NKAIN3: variants seen among roughly 807,000 people sequenced by gnomAD.
NKAIN3 encodes sodium/potassium-transporting ATPase subunit beta-1-interacting protein 3.
NKAIN3 carries 25 observed loss-of-function variants against 30.2 expected under a neutral mutation model. The observed-to-expected ratio is 0.83, with a 90% CI of 0.60 to 1.16. The LOEUF (loss-of-function observed/expected upper bound fraction) is 1.16. Ranked by LOEUF, NKAIN3 falls within the 50% of genes most tolerant of loss-of-function variation. The pLI is 0.00. For synonymous variants in NKAIN3, 91 were observed against 89.6 expected (o/e 1.02, Z -0.09); for missense variants, 225 against 254.1 (o/e 0.89, Z 0.78).
At chr8:62,875,627 A>G (rs1344584819) in intron 4 of NKAIN3, among the ~76,000 whole-genome samples, 1 of 152,200 alleles carries the variant, frequency 6.6e-6, no homozygotes, top group Non-Finnish European at 1.5e-5. Context: ...CAAAACAGAC[A>G]TATAGGCCAA....
intron 1 of NKAIN3, among the ~76,000 whole-genome samples, chr8:62,328,980 C>A (rs554632450): frequency 2.6e-5 from 4 of 152,154 alleles, no homozygotes; most frequent in African/African-American, 9.6e-5. Flanking sequence ...CGACTTCCAT[C>A]TTTTGCATTA....
chr8:62,598,542 C>T (rs1810901800), intron 3 of NKAIN3, among the ~76,000 whole-genome samples: 1 of 152,080 alleles, frequency 6.6e-6, no homozygotes, highest in Non-Finnish European at 1.5e-5. Flanking sequence ...TCTGAGCAGA[C>T]ATCCTGGTAT....
chr8:62,270,705 TCTC>T (rs1157166893), intron 1 of NKAIN3, among the ~76,000 whole-genome samples: 1 of 152,150 alleles, frequency 6.6e-6, no homozygotes, highest in Non-Finnish European at 1.5e-5. Context: ...TTGACAATCA[TCTC>T]CTCATTACTC....
rs560893606 is a variant in NKAIN3 at position 62,955,416 on chromosome 8, T to C, written c.603+1444T>C. Among the ~76,000 whole-genome samples, 4 of 152,210 alleles carry C rather than the reference T, an allele frequency of 2.6e-5. No individual in the cohort carries two copies. The East Asian group carries it at 5.8e-4, about 22-fold the overall frequency. ...TCAGGGATTGTGACAATAATCAAGA[T>C]GATTAGTGCATTGGGAGTGAGAAAA... On this transcript the variant is annotated intron_variant, in intron 6 of 6. Coordinates refer to ENST00000623646, the MANE Select transcript of NKAIN3 (RefSeq NM_001304533.3).
At chr8:62,863,815 C>A in intron 4 of NKAIN3, 1 of 1,611,274 alleles carries the variant, frequency 6.2e-7, no homozygotes, top group Non-Finnish European at 8.5e-7. Flanking sequence ...TAACATGATA[C>A]CGGCCATTGA....
At chr8:62,494,360 A>C (rs1204417134) in intron 1 of NKAIN3, among the ~76,000 whole-genome samples, 4 of 152,212 alleles carry the variant, frequency 2.6e-5, no homozygotes, top group East Asian at 1.9e-4. Flanking sequence ...CTTGCATCCC[A>C]GGGACAAAGC....
At chr8:62,560,894 A>G (rs566211560) in intron 1 of NKAIN3, among the ~76,000 whole-genome samples, 2 of 151,782 alleles carry the variant, frequency 1.3e-5, no homozygotes, top group South Asian at 2.1e-4. Context: ...TTTTAATTTC[A>G]TTTATCATAT....
chr8:62,843,316 T>C (rs910229932), intron 4 of NKAIN3, among the ~76,000 whole-genome samples: 10 of 151,184 alleles, frequency 6.6e-5, no homozygotes, highest in African/African-American at 2.4e-4. Context: ...AATTAATTAA[T>C]TAATTAATTA....
intron 1 of NKAIN3, among the ~76,000 whole-genome samples, chr8:62,434,155 G>A (rs746904618): frequency 6.6e-6 from 1 of 152,176 alleles, no homozygotes; most frequent in Non-Finnish European, 1.5e-5. Flanking sequence ...TAGTCTGATG[G>A]AGACTTGTAT....
At chr8:62,673,447 A>T (rs548515015) in intron 3 of NKAIN3, among the ~76,000 whole-genome samples, 2 of 152,208 alleles carry the variant, frequency 1.3e-5, no homozygotes, top group Admixed American at 1.3e-4. Context: ...CTTGCCACAC[A>T]TGAAAAAGGA....
intron 1 of NKAIN3, among the ~76,000 whole-genome samples, chr8:62,310,604 T>C (rs1422181314): frequency 6.6e-6 from 1 of 150,420 alleles, no homozygotes; most frequent in Admixed American, 6.6e-5. Flanking sequence ...AACTGATTAG[T>C]CCATAAGATT....
intron 1 of NKAIN3, among the ~76,000 whole-genome samples, chr8:62,462,019 T>C (rs1352209757): frequency 1.3e-5 from 2 of 151,730 alleles, no homozygotes; most frequent in Non-Finnish European, 2.9e-5. Flanking sequence ...AAAATTATAA[T>C]GGACACATTA....
intron 3 of NKAIN3, among the ~76,000 whole-genome samples, chr8:62,603,848 A>C (rs1811049608): frequency 6.6e-6 from 1 of 152,108 alleles, no homozygotes; most frequent in African/African-American, 2.4e-5. Flanking sequence ...GATTAAATCA[A>C]ATATATGAAG....
chr8:62,881,775 T>A (rs556477414), intron 4 of NKAIN3, among the ~76,000 whole-genome samples: 1 of 152,346 alleles, frequency 6.6e-6, no homozygotes, highest in African/African-American at 2.4e-5. Flanking sequence ...CTGGATCATA[T>A]GGTAAGAATA....
chr8:62,351,864 C>T (rs1008392402), intron 1 of NKAIN3, among the ~76,000 whole-genome samples: 2 of 152,118 alleles, frequency 1.3e-5, no homozygotes, highest in Non-Finnish European at 2.9e-5. Context: ...AAAGTAATGA[C>T]AGATTGATTT....
At chr8:62,845,977 C>T (rs1487589019) in intron 4 of NKAIN3, among the ~76,000 whole-genome samples, 1 of 152,006 alleles carries the variant, frequency 6.6e-6, no homozygotes, top group Admixed American at 6.6e-5. Context: ...ACCAGAGACC[C>T]CAGTCTTTTT....
chr8:62,520,407 C>T (rs1808119395), intron 1 of NKAIN3, among the ~76,000 whole-genome samples: 1 of 151,846 alleles, frequency 6.6e-6, no homozygotes, highest in Admixed American at 6.6e-5. Flanking sequence ...TTATCTAACC[C>T]AAGGTATTCC....
chr8:62,631,129 G>C (rs1811945575), intron 3 of NKAIN3, among the ~76,000 whole-genome samples: 1 of 152,040 alleles, frequency 6.6e-6, no homozygotes, highest in African/African-American at 2.4e-5. Context: ...TCCGCTGTCA[G>C]GTTCCTTCTT....
chr8:62,325,838 A>G (rs927320961), intron 1 of NKAIN3, among the ~76,000 whole-genome samples: 2 of 151,762 alleles, frequency 1.3e-5, no homozygotes, highest in Non-Finnish European at 2.9e-5. Flanking sequence ...AGAATTGTCT[A>G]TTCATGTCCT....
Sources: allele counts gnomAD v4.1 joint callset (sites outside exome capture counted in the v4.1 genomes callset), GRCh38; gene constraint gnomAD v4.1.1; transcripts MANE v1.5; gene names NCBI Gene and HGNC (gene_info 2026-07-23, HGNC 2026-07-21).